Variants in MMP15 observed in about 807,000 individuals in gnomAD.
MMP15 encodes matrix metallopeptidase 15.
A neutral mutation model predicts 65.0 loss-of-function variants in MMP15; 36 were observed. That is an observed-to-expected ratio of 0.55 (90% CI 0.42 to 0.73). The LOEUF (loss-of-function observed/expected upper bound fraction) is 0.73. Ranked by LOEUF, MMP15 falls within the 30% of genes least tolerant of loss-of-function variation. The pLI, the probability that MMP15 is intolerant of heterozygous loss-of-function variation, is 0.00. For synonymous variants in MMP15, 428 were observed against 410.2 expected (o/e 1.04, Z -0.52); for missense variants, 870 against 987.8 (o/e 0.88, Z 1.60).
intron 9 of MMP15, 52 bp downstream of exon 9, chr16:58,043,679 A>G (rs908344778): frequency 3.8e-5 from 52 of 1,350,936 alleles, no homozygotes; most frequent in Non-Finnish European, 5.2e-5. Flanking sequence ...CCCCTGCTAC[A>G]CACACCACAG....
chr16:58,028,619 C>T (rs542165690), intron 1 of MMP15, among the ~76,000 whole-genome samples: 19 of 152,322 alleles, frequency 1.2e-4, no homozygotes, highest in Non-Finnish European at 7.4e-5. Context: ...AAGGCTGGCT[C>T]TCTCATCCTC....
At chr16:58,029,440 C>A (rs1963867243) in intron 1 of MMP15, among the ~76,000 whole-genome samples, 1 of 152,234 alleles carries the variant, frequency 6.6e-6, no homozygotes, top group Non-Finnish European at 1.5e-5. Context: ...TCTTCTCCCC[C>A]TCCCCTCTTG....
intron 1 of MMP15, among the ~76,000 whole-genome samples, chr16:58,035,606 G>C (rs946569152): frequency 6.6e-6 from 1 of 152,182 alleles, no homozygotes; most frequent in African/African-American, 2.4e-5. Flanking sequence ...GGCAGGTCCT[G>C]GTGCAATCCC....
rs778713956 is a variant in MMP15 at position 58,043,371 on chromosome 16, C to T, written c.1454+11C>T. 18 of 1,600,786 alleles carry T rather than the reference C, an allele frequency of 1.1e-5. No homozygotes were observed. The highest frequency in any genetic ancestry group is 1.1e-4 in the South Asian group (10 of 89,058). On this transcript the variant is annotated intron_variant, in intron 8 of 9. Coordinates refer to ENST00000219271, the MANE Select transcript of MMP15 (RefSeq NM_002428.4). ...CTTCCAAGAGGACAGGTGAGCAGTG[C>T]GTCCCTCCCCTAAGGGGAGAAGGCC... is the stretch of plus-strand genomic sequence containing the variant.
chr16:58,039,888 A>T lies in MMP15; in HGVS notation c.454A>T (p.Thr152Ser). 6.2e-7 allele frequency: 1 copy of T among 1,603,520 alleles called. No homozygotes were observed. The highest frequency in any genetic ancestry group is 8.5e-7 in the Non-Finnish European group (1 of 1,172,182). Residue 152 changes from threonine to serine, a missense_variant, in exon 4 of 10, where the codon ACG becomes TCG. Coordinates refer to ENST00000219271, the MANE Select transcript of MMP15 (RefSeq NM_002428.4). ...HHLTFSIQNY[T>S]EKLGWYHSME... is the part of the protein sequence containing the mutation. The stretch of plus-strand genomic sequence containing the variant: ...ACCCACCCCCAGCATCCAGAACTAC[A>T]CGGAGAAGTTGGGCTGGTACCACTC...
rs528411279 is a variant in MMP15, at chr16:58,040,526, C to G, written c.749-11C>G. The G allele has an allele frequency of 3.0e-5, 49 of 1,610,664 alleles. No homozygotes were observed. The highest frequency in any genetic ancestry group is 2.9e-4 in the South Asian group (26 of 91,022). The stretch of plus-strand genomic sequence containing the variant: ...CAGCTGACTGTGCTGCCCTCCTTCT[C>G]TCCCCAAAAGGAAACAACCTCTTCC... On this transcript the variant is annotated splice_polypyrimidine_tract_variant and intron_variant, in intron 4 of 9. Transcript: ENST00000219271.
At position 58,045,614 on chromosome 16, in the gene MMP15, C is replaced by G; in HGVS notation, c.*168C>G. On this transcript the variant is annotated 3_prime_UTR_variant, in exon 10 of 10. Transcript: ENST00000219271. The stretch of plus-strand genomic sequence containing the variant: ...TGTTTGTTTTGTTTTGTTTTTGGCA[C>G]CTTACTTGACCATTTGTTTCTGTTT... The G allele has an allele frequency of 1.7e-6, 1 of 599,214 alleles. No individual in the cohort carries two copies. The highest frequency in any genetic ancestry group is 2.9e-6 in the Non-Finnish European group (1 of 350,412). 37.1% of individuals were successfully genotyped at this position (599,214 alleles called of 1,614,324 possible).
intron 1 of MMP15, among the ~76,000 whole-genome samples, chr16:58,031,894 T>C (rs1190787938): frequency 8.2e-6 from 1 of 121,284 alleles, no homozygotes. Context: ...TGAGACAGAG[T>C]CTCGCTCTTG....
rs1355943593 is a variant in MMP15 at position 58,026,357 on chromosome 16, A to G, written c.7A>G (p.Ser3Gly). Residue 3 changes from serine (S) to glycine (G), a missense_variant, in exon 1 of 10, where the codon AGC becomes GGC. Ser to Gly is a moderately conservative substitution (Grantham distance 56). Coordinates refer to ENST00000219271, the MANE Select transcript of MMP15 (RefSeq NM_002428.4). MG[S>G]DPSAPGRPGW... ...TGGGCTGGGCGCCGAGAGCATGGGC[A>G]GCGACCCGAGCGCGCCCGGACGGCC... 1.5e-6 allele frequency: 2 copies of G among 1,355,698 alleles called. No homozygotes were observed. Among genetic ancestry groups the G allele is most frequent in the African/African-American group, 3.1e-5 (2 of 65,002 alleles). 84.0% of individuals were successfully genotyped at this position (1,355,698 alleles called of 1,614,324 possible). A position where few individuals can be genotyped will look rare whatever the true frequency, so the allele number is the denominator to read the frequency against.
intron 1 of MMP15, 114 bp from the exon 2 acceptor site, chr16:58,037,358 A>ACGGCTCAGATAGAGCAGCGGTGGTGG: frequency 2.9e-6 from 4 of 1,362,682 alleles, no homozygotes; most frequent in Non-Finnish European, 4.1e-6. Context: ...GGAGGTGATG[A>ACGGCTCAGATAGAGCAGCGGTGGTGG]CGGCTCAGAT....
rs1454887561 is a variant in MMP15, at chr16:58,039,288, C to T, written c.441-587C>T. On this transcript the variant is annotated intron_variant, in intron 3 of 9. Transcript: ENST00000219271. ...TCTCTACTAAAAATACAAAATTAGC[C>T]AGGTGTGGTGGTGCATGCCTGTAAT... 2.6e-5 allele frequency among the ~76,000 whole-genome samples: 4 copies of T among 152,220 alleles called. No homozygotes were observed. The East Asian group carries it at 5.8e-4, about 22-fold the overall frequency.
rs1293720909 is a variant in MMP15 at position 58,026,382 on chromosome 16, C to G, written c.32C>G (p.Pro11Arg). 9 of 1,384,016 alleles carry G rather than the reference C, an allele frequency of 6.5e-6. No homozygotes were observed. Among genetic ancestry groups the G allele is most frequent in the African/African-American group, 4.6e-5 (3 of 65,550 alleles). The allele number at this position is 1,384,016 out of a possible 1,614,324, so 85.7% of individuals were successfully genotyped here. ...AGCGACCCGAGCGCGCCCGGACGGC[C>G]GGGCTGGACGGGCAGCCTCCTCGGC... The part of the protein sequence containing the change: MGSDPSAPGR[P>R]GWTGSLLGDR... The change falls in exon 1 of 10, where the codon CCG becomes CGG. Residue 11 changes from proline to arginine, a missense_variant. Transcript: ENST00000219271.
intron 1 of MMP15, among the ~76,000 whole-genome samples, chr16:58,035,585 C>G (rs945109840): frequency 1.7e-4 from 26 of 152,192 alleles, no homozygotes; most frequent in Non-Finnish European, 4.4e-5. Context: ...TCACAGGAAC[C>G]CAGGAGATGA....
chr16:58,045,478 G>C lies in MMP15; in HGVS notation c.*32G>C. ...AGCGCTCCTGCTAACGGTGCTCAGG[G>C]GGCGCCTGTGGTTCTGAGATGGCTC... On this transcript the variant is annotated 3_prime_UTR_variant, in exon 10 of 10. Coordinates refer to ENST00000219271, the MANE Select transcript of MMP15 (RefSeq NM_002428.4). 6.8e-7 allele frequency: 1 copy of C among 1,471,728 alleles called. No individual in the cohort carries two copies. The highest frequency in any genetic ancestry group is 9.0e-7 in the Non-Finnish European group (1 of 1,110,962). The allele number at this position is 1,471,728 out of a possible 1,614,324, so 91.2% of individuals were successfully genotyped here.
At chr16:58,039,826 G>T (rs1232418538) in intron 3 of MMP15, 49 bp from the exon 4 acceptor site, 7 of 1,543,300 alleles carry the variant, frequency 4.5e-6, no homozygotes, top group Non-Finnish European at 6.2e-6. Flanking sequence ...GCAGAGGATA[G>T]TAGGCCCTTG....
At chr16:58,027,784 G>A (rs1963843557) in intron 1 of MMP15, among the ~76,000 whole-genome samples, 1 of 152,146 alleles carries the variant, frequency 6.6e-6, no homozygotes, top group South Asian at 2.1e-4. Context: ...CCCTGGCCTG[G>A]CCAGGGAGAG....
chr16:58,030,963 CAG>C (rs1286953277), intron 1 of MMP15, among the ~76,000 whole-genome samples: 1 of 152,124 alleles, frequency 6.6e-6, no homozygotes, highest in Non-Finnish European at 1.5e-5. Context: ...ATGCCTGGCA[CAG>C]GGGGCCTAAG....
At chr16:58,032,836 T>C (rs540911585) in intron 1 of MMP15, among the ~76,000 whole-genome samples, 3 of 152,340 alleles carry the variant, frequency 2.0e-5, no homozygotes, top group South Asian at 4.1e-4. Flanking sequence ...CAAGGCTTCT[T>C]TTGTGCCTGG....
Position 58,045,363 on chromosome 16 carries a change from A to ACCTAC in MMP15, c.1928_1932dup (p.Ala645ProfsTer44). 1 of 1,598,354 alleles carries ACCTAC rather than the reference A, an allele frequency of 6.3e-7. No individual in the cohort carries two copies. Among genetic ancestry groups the ACCTAC allele is most frequent in the South Asian group, 1.1e-5 (1 of 88,106 alleles). ...GCTGCTGCTCTGCGTCCTGGGCCTC[A>ACCTAC]CCTACGCGCTGGTGCAGATGCAGCG... On this transcript the variant is annotated frameshift_variant, in exon 10 of 10. Coordinates refer to ENST00000219271, the MANE Select transcript of MMP15 (RefSeq NM_002428.4). LOFTEE classifies it high-confidence loss of function.
Sources: allele counts gnomAD v4.1 joint callset (sites outside exome capture counted in the v4.1 genomes callset), GRCh38; gene constraint gnomAD v4.1.1; transcripts MANE v1.5; gene names NCBI Gene and HGNC (gene_info 2026-07-23, HGNC 2026-07-21).